Variants in EPHA7 observed in about 807,000 individuals in gnomAD.
The protein encoded by EPHA7 is EPH receptor A7, also known as ephrin type-A receptor 7.
In EPHA7, 25 loss-of-function variants were observed where a neutral mutation model predicts 112.6. That is an observed-to-expected ratio of 0.22 (90% CI 0.16 to 0.31). The LOEUF (loss-of-function observed/expected upper bound fraction) is 0.31. EPHA7 is among the 10% of genes least tolerant of loss of function. EPHA7 has a pLI of 1.00. For synonymous variants in EPHA7, 437 were observed against 406.5 expected (o/e 1.07, Z -0.90); for missense variants, 962 against 1,212.6 (o/e 0.79, Z 3.07).
chr6:93,392,999 A>G (rs1777985619), intron 3 of EPHA7, among the ~76,000 whole-genome samples: 1 of 151,938 alleles, frequency 6.6e-6, no homozygotes, highest in Admixed American at 6.6e-5. Context: ...TACTTTTCAC[A>G]GGATCATGAA....
intron 9 of EPHA7, chr6:93,260,803 A>G (rs1770652771): frequency 1.1e-6 from 1 of 920,426 alleles, no homozygotes; most frequent in African/African-American, 1.8e-5. Context: ...AAAAAACAAC[A>G]CGAGAAGAAA....
intron 5 of EPHA7, among the ~76,000 whole-genome samples, chr6:93,285,533 C>A (rs1001155859): frequency 7.9e-5 from 12 of 152,032 alleles, no homozygotes; most frequent in East Asian, 1.9e-4. Flanking sequence ...GATAAGAAAT[C>A]GAAAACAATT....
chr6:93,326,777 A>G (rs1198272659), intron 5 of EPHA7, among the ~76,000 whole-genome samples: 3 of 151,542 alleles, frequency 2.0e-5, no homozygotes, highest in African/African-American at 7.3e-5. Context: ...AGAATGACTC[A>G]TGACAGGTGC....
chr6:93,404,569 A>G (rs1342240065), intron 3 of EPHA7, among the ~76,000 whole-genome samples: 4 of 150,710 alleles, frequency 2.7e-5, no homozygotes, highest in African/African-American at 9.7e-5. Context: ...TATATATACA[A>G]ACTTATATAA....
At chr6:93,303,079 T>C (rs1773072867) in intron 5 of EPHA7, among the ~76,000 whole-genome samples, 1 of 152,076 alleles carries the variant, frequency 6.6e-6, no homozygotes, top group African/African-American at 2.4e-5. Flanking sequence ...CATACAACAG[T>C]TGCCTCACAC....
intron 5 of EPHA7, among the ~76,000 whole-genome samples, chr6:93,355,644 A>G (rs2127943312): frequency 6.6e-6 from 1 of 152,326 alleles, no homozygotes; most frequent in South Asian, 2.1e-4. Context: ...AAAGACTGAG[A>G]AAGCCCCTAA....
intron 5 of EPHA7, among the ~76,000 whole-genome samples, chr6:93,351,034 G>A (rs928278120): frequency 1.3e-5 from 2 of 151,726 alleles, no homozygotes. Flanking sequence ...TATTGTAATG[G>A]GCTGCCCACA....
At chr6:93,375,015 A>T (rs1776982470) in intron 3 of EPHA7, among the ~76,000 whole-genome samples, 1 of 152,214 alleles carries the variant, frequency 6.6e-6, no homozygotes, top group South Asian at 2.1e-4. Context: ...GCCTCATTAT[A>T]TAAACCATGT....
At chr6:93,384,346 G>T (rs190614834) in intron 3 of EPHA7, among the ~76,000 whole-genome samples, 1 of 152,052 alleles carries the variant, frequency 6.6e-6, no homozygotes, top group Non-Finnish European at 1.5e-5. Context: ...CTCATATCTA[G>T]TTCAGTATTC....
intron 3 of EPHA7, among the ~76,000 whole-genome samples, chr6:93,385,747 A>G (rs1426152472): frequency 6.6e-6 from 1 of 152,162 alleles, no homozygotes; most frequent in African/African-American, 2.4e-5. Flanking sequence ...ATAGATAGAT[A>G]GATAATTAGT....
At chr6:93,405,805 GTGTGTGTGTA>G (rs1469806001) in intron 3 of EPHA7, among the ~76,000 whole-genome samples, 5 of 64,472 alleles carry the variant, frequency 7.8e-5, no homozygotes, top group African/African-American at 3.5e-4. Context: ...GTGTGTGTGT[GTGTGTGTGTA>G]TATATATATA....
intron 3 of EPHA7, among the ~76,000 whole-genome samples, chr6:93,397,641 A>G (rs1778245670): frequency 6.6e-6 from 1 of 151,948 alleles, no homozygotes; most frequent in South Asian, 2.1e-4. Context: ...CGATGTCAAC[A>G]TTCCATTGGA....
chr6:93,300,738 T>G (rs1772938075), intron 5 of EPHA7, among the ~76,000 whole-genome samples: 1 of 152,218 alleles, frequency 6.6e-6, no homozygotes, highest in Non-Finnish European at 1.5e-5. Context: ...TTAATTTGTT[T>G]TTAAAAGTCT....
intron 5 of EPHA7, among the ~76,000 whole-genome samples, chr6:93,320,797 C>T (rs1018663558): frequency 9.2e-5 from 14 of 151,878 alleles, no homozygotes; most frequent in Admixed American, 3.9e-4. Context: ...GCTTTAGAGA[C>T]AAGATGGCCC....
chr6:93,275,438 A>T (rs1479202181), intron 5 of EPHA7, among the ~76,000 whole-genome samples: 2 of 151,972 alleles, frequency 1.3e-5, no homozygotes, highest in Non-Finnish European at 2.9e-5. Context: ...AGTATTCAAA[A>T]ATAAAAATTA....
intron 5 of EPHA7, among the ~76,000 whole-genome samples, chr6:93,333,714 A>G (rs1465502392): frequency 2.0e-5 from 3 of 151,888 alleles, no homozygotes; most frequent in African/African-American, 7.2e-5. Context: ...ACTTTGTAAT[A>G]GGATTGTTTA....
intron 14 of EPHA7, among the ~76,000 whole-genome samples, chr6:93,250,248 A>G (rs1334388958): frequency 1.3e-5 from 2 of 152,122 alleles, no homozygotes; most frequent in Non-Finnish European, 2.9e-5. Flanking sequence ...AAAACCAGCC[A>G]ATAGGAGCTA....
chr6:93,365,588 A>G (rs1235458389), intron 3 of EPHA7, among the ~76,000 whole-genome samples: 1 of 152,172 alleles, frequency 6.6e-6, no homozygotes, highest in Non-Finnish European at 1.5e-5. Context: ...AATAATTACA[A>G]AAGTCTGCCT....
intron 5 of EPHA7, among the ~76,000 whole-genome samples, chr6:93,322,438 A>T (rs1774121230): frequency 6.6e-6 from 1 of 151,628 alleles, no homozygotes; most frequent in Non-Finnish European, 1.5e-5. Context: ...AAAGCCCCCC[A>T]GGAAGGCCAA....
Sources: gnomAD v4.1 joint callset for allele counts (sites outside exome capture counted in the v4.1 genomes callset) on GRCh38, gnomAD v4.1.1 for gene constraint, MANE v1.5 for transcripts, NCBI Gene and HGNC (gene_info 2026-07-23, HGNC 2026-07-21) for gene names.